Variants in GRIP2 observed in about 807,000 individuals in gnomAD.
GRIP2 encodes glutamate receptor interacting protein 2.
Under a neutral mutation model 108.3 loss-of-function variants are expected in GRIP2, and 58 were observed. That is an observed-to-expected ratio of 0.54 (90% confidence interval 0.43 to 0.67). The LOEUF (loss-of-function observed/expected upper bound fraction) is 0.67. Among genes scored for constraint, GRIP2 ranks in the 30% least tolerant of loss-of-function variants. The probability of loss-of-function intolerance (pLI) is 0.00; values close to 1 mark genes in which losing one functional copy is unlikely to be tolerated. For synonymous variants in GRIP2, 586 were observed against 598.2 expected (o/e 0.98, Z 0.30); for missense variants, 1,278 against 1,430.6 (o/e 0.89, Z 1.72).
rs1390847818 is a variant in GRIP2, at chr3:14,491,640, T to TA, written c.*2024dup. 2.6e-5 allele frequency: 4 copies of TA among 152,342 alleles called. No homozygotes were observed. The highest frequency in any genetic ancestry group is 9.7e-5 in the African/African-American group (4 of 41,430). 9.4% of individuals were successfully genotyped at this position (152,342 alleles called of 1,614,324 possible). A position where few individuals can be genotyped will look rare whatever the true frequency, so the allele number is the denominator to read the frequency against. On this transcript the variant is annotated 3_prime_UTR_variant, in exon 24 of 24. Transcript: ENST00000621039. ...CCCGAGGAGGGAGGGGGGTATTAGT[T>TA]AGAGTCGGGTGCATCTTCCCTCGCC... is the stretch of plus-strand genomic sequence containing the variant.
chr3:14,549,177 T>C (rs922811069), intron 1 of GRIP2, among the ~76,000 whole-genome samples: 4 of 152,246 alleles, frequency 2.6e-5, no homozygotes, highest in Non-Finnish European at 5.9e-5. Flanking sequence ...TGAATGTACA[T>C]AATCTCTGAA....
At chr3:14,586,588 A>T in the GRIP2 span, among the ~76,000 whole-genome samples, 1 of 152,312 alleles carries the variant, frequency 6.6e-6, no homozygotes, top group Non-Finnish European at 1.5e-5. Flanking sequence ...GCCTCATGGA[A>T]TGTAGAGAGG....
chr3:14,520,247 A>G lies in GRIP2; in HGVS notation c.893T>C (p.Leu298Pro). 1 of 1,613,920 alleles carries G rather than the reference A, an allele frequency of 6.2e-7. No individual in the cohort carries two copies. The highest frequency in any genetic ancestry group is 1.1e-5 in the South Asian group (1 of 91,042). Residue 298 changes from leucine to proline, a missense_variant, in exon 9 of 24, where the codon CTG becomes CCG. Coordinates refer to ENST00000621039, the MANE Select transcript of GRIP2 (RefSeq NM_001080423.4). ...SGALHPGDHI[L>P]SIDGTSMEHC... Reference sequence around the variant, plus strand: ...TTCCATGCTGGTGCCATCGATGGACAGGATGTGGTCTCCAGGGTGCAGGGC... The same window carrying G: ...TTCCATGCTGGTGCCATCGATGGACGGGATGTGGTCTCCAGGGTGCAGGGC...
chr3:14,505,528 C>A lies in GRIP2; in HGVS notation c.2573+87G>T. 1 of 1,429,378 alleles carries A rather than the reference C, an allele frequency of 7.0e-7. No homozygotes were observed. The highest frequency in any genetic ancestry group is 1.3e-5 in the South Asian group (1 of 76,090). The allele number at this position is 1,429,378 out of a possible 1,614,324, so 88.5% of individuals were successfully genotyped here. A position where few individuals can be genotyped will look rare whatever the true frequency, so the allele number is the denominator to read the frequency against. On this transcript the variant is annotated intron_variant, in intron 20 of 23. Transcript: ENST00000621039. The surrounding 1 kb of genome is among the most constrained non-coding windows in gnomAD (Gnocchi z 4.2). ...CAGGAGCCCGCCAAGACTCTCCATT[C>A]CCCCACCACTTTGGCACAGGCACCC...
At chr3:14,596,770 A>G in the GRIP2 span, among the ~76,000 whole-genome samples, 2 of 147,228 alleles carry the variant, frequency 1.4e-5, no homozygotes, top group African/African-American at 2.5e-5. Context: ...AGTTGTATAG[A>G]TTTTTTTTTT....
rs766276726 is a variant in GRIP2 at position 14,506,808 on chromosome 3, C to T, written c.2391G>A (p.Gly797=). ...WDSSATEGGF[G]GPGSYTPQAA... ...AGGGCCCCAAGGTATTACCTGGGCC[C>T]CCAAAGCCACCCTCGGTGGCCGAGC... The change falls in exon 19 of 24, where the codon GGG becomes GGA. Residue 797 remains glycine (G), a synonymous_variant. Coordinates refer to ENST00000621039, the MANE Select transcript of GRIP2 (RefSeq NM_001080423.4). The T allele has an allele frequency of 1.3e-5, 20 of 1,596,328 alleles. No individual in the cohort carries two copies. The highest frequency in any genetic ancestry group is 1.6e-5 in the Non-Finnish European group (19 of 1,171,598).
chr3:14,517,135 C>T lies in GRIP2; in HGVS notation c.1235G>A (p.Gly412Glu), dbSNP rs1204993452. 1 of 1,610,456 alleles carries T rather than the reference C, an allele frequency of 6.2e-7. No homozygotes were observed. Among genetic ancestry groups the T allele is most frequent in the Admixed American group, 1.7e-5 (1 of 59,312 alleles). Residue 412 changes from glycine to glutamate, a missense_variant, in exon 11 of 24, where the codon GGA becomes GAA. Coordinates refer to ENST00000621039, the MANE Select transcript of GRIP2 (RefSeq NM_001080423.4). ...AGTTCGAGGACTCATGGGCTGGGAT[C>T]CACGGGGAAGGGTGCTGGGGTTGTT... Reference protein sequence around the residue: ...SCNNPSTLPRGSQPMSPRTTM... With the variant: ...SCNNPSTLPRESQPMSPRTTM...
In GRIP2 at chr3:14,506,807, C is replaced by A. The variant is rs79144673; in HGVS notation, c.2392G>T (p.Gly798Cys). 5.6e-4 allele frequency: 896 copies of A among 1,596,058 alleles called. 7 individuals carry two copies. The African/African-American group carries it at 0.011, about 19-fold the overall frequency. ...DSSATEGGFGGPGSYTPQAAA... is the reference protein window; with the variant it reads ...DSSATEGGFGCPGSYTPQAAA... ...AAGGGCCCCAAGGTATTACCTGGGC[C>A]CCCAAAGCCACCCTCGGTGGCCGAG... The change falls in exon 19 of 24, where the codon GGC (glycine) becomes TGC (cysteine). Residue 798 changes from glycine (G) to cysteine (C), a missense_variant. By Grantham distance (159) the Gly-to-Cys change is radical. Coordinates refer to ENST00000621039, the MANE Select transcript of GRIP2 (RefSeq NM_001080423.4).
At chr3:14,583,109 G>A in the GRIP2 span, among the ~76,000 whole-genome samples, 1 of 152,214 alleles carries the variant, frequency 6.6e-6, no homozygotes, top group African/African-American at 2.4e-5. Flanking sequence ...GGTTGTCATT[G>A]CTCCCCTACC....
In GRIP2 at chr3:14,509,946, C is replaced by G; in HGVS notation, c.1952G>C (p.Gly651Ala). ...EDNSDELETT[G>A]AVSYTVELKR... ...CAGCTCCACTGTGTAACTGACGGCA[C>G]CTGTGGTCTCCAGCTCATCTGCAAG... The change falls in exon 17 of 24, where the codon GGT becomes GCT. Residue 651 changes from glycine (G) to alanine (A), a missense_variant. By Grantham distance (60) the Gly-to-Ala change is moderately conservative. Transcript: ENST00000621039. The G allele has an allele frequency of 6.6e-7, 1 of 1,524,568 alleles. No homozygotes were observed. The highest frequency in any genetic ancestry group is 2.5e-5 in the East Asian group (1 of 40,132). The allele number at this position is 1,524,568 out of a possible 1,614,324, so 94.4% of individuals were successfully genotyped here. A position where few individuals can be genotyped will look rare whatever the true frequency, so the allele number is the denominator to read the frequency against.
rs201965589 is a variant in GRIP2, at chr3:14,495,000, A to G, written c.2824-11T>C. Reference sequence around the variant, plus strand: ...CTTGTGCAGGGTCACCTGGAAGCAGAAGGAGGAGGAGGTTCCTGGAACTCT... The same window carrying G: ...CTTGTGCAGGGTCACCTGGAAGCAGGAGGAGGAGGAGGTTCCTGGAACTCT... On this transcript the variant is annotated splice_polypyrimidine_tract_variant and intron_variant, in intron 22 of 23. Transcript: ENST00000621039. 3.2e-6 allele frequency: 5 copies of G among 1,550,442 alleles called. No homozygotes were observed. The highest frequency in any genetic ancestry group is 1.3e-5 in the African/African-American group (1 of 74,440).
intron 1 of GRIP2, among the ~76,000 whole-genome samples, chr3:14,555,572 G>A (rs1695224898): frequency 6.6e-6 from 1 of 151,876 alleles, no homozygotes. Context: ...CAGACACAGA[G>A]AGACCCAGAG....
Position 14,493,769 on chromosome 3 carries a change from C to T in GRIP2, c.3028G>A (p.Glu1010Lys), listed in dbSNP as rs375473627. 136 of 1,612,868 alleles carry T rather than the reference C, an allele frequency of 8.4e-5. 1 individual carries two copies. Among genetic ancestry groups the T allele is most frequent in the Non-Finnish European group, 1.1e-4 (124 of 1,179,584 alleles). The part of the protein sequence containing the change: ...DCCLAVPLLA[E>K]AGDVLELIIS... ...ATCAGCTCCAAGACATCACCCGCCT[C>T]GGCCAGGAGTGGCACCGCCAGGCAG... The change falls in exon 24 of 24, where the codon GAG becomes AAG. Residue 1010 changes from glutamate to lysine, a missense_variant. Glu to Lys is a moderately conservative substitution (Grantham distance 56). Coordinates refer to ENST00000621039, the MANE Select transcript of GRIP2 (RefSeq NM_001080423.4).
the GRIP2 span, among the ~76,000 whole-genome samples, chr3:14,583,742 G>A: frequency 6.6e-6 from 1 of 152,326 alleles, no homozygotes; most frequent in Middle Eastern, 3.4e-3. Flanking sequence ...GGATCCGGGT[G>A]GAGTGGTACA....
At chr3:14,573,472 C>T in the GRIP2 span, 3 of 1,541,630 alleles carry the variant, frequency 1.9e-6, no homozygotes, top group South Asian at 1.1e-5. Context: ...TGGTCAGGCA[C>T]CTCAGGGTTG....
chr3:14,540,312 C>T lies in GRIP2; in HGVS notation c.-4G>A, dbSNP rs373332967. Reference sequence around the variant, plus strand: ...CCCGGCTGAGCCCACACAGCATGTTCGCTATTGTCTCCCCTGCTGCCCACC... The same window carrying T: ...CCCGGCTGAGCCCACACAGCATGTTTGCTATTGTCTCCCCTGCTGCCCACC... On this transcript the variant is annotated 5_prime_UTR_variant, in exon 1 of 24. Coordinates refer to ENST00000621039, the MANE Select transcript of GRIP2 (RefSeq NM_001080423.4). This position sits in a 1 kb window ranked among gnomAD's most constrained non-coding sequence, Gnocchi z 4.1. 12 of 1,613,714 alleles carry T rather than the reference C, an allele frequency of 7.4e-6. No homozygotes were observed. The highest frequency in any genetic ancestry group is 4.5e-5 in the East Asian group (2 of 44,856).
At chr3:14,527,988 T>C (rs1418368711) in intron 1 of GRIP2, among the ~76,000 whole-genome samples, 2 of 152,238 alleles carry the variant, frequency 1.3e-5, no homozygotes, top group Non-Finnish European at 2.9e-5. Context: ...AAATGTCTCC[T>C]GACCACCACC....
At chr3:14,500,498 A>G (rs1376818943) in intron 21 of GRIP2, among the ~76,000 whole-genome samples, 1 of 152,244 alleles carries the variant, frequency 6.6e-6, no homozygotes, top group African/African-American at 2.4e-5. Context: ...GAAAGAAAAG[A>G]CACAGGACTT....
upstream of GRIP2, among the ~76,000 whole-genome samples, chr3:14,545,282 A>G (rs879726098): frequency 2.2e-4 from 33 of 152,354 alleles, no homozygotes; most frequent in African/African-American, 7.9e-4. Flanking sequence ...GGGCCCAGAA[A>G]GGTAAAGCCA....
Sources: allele counts gnomAD v4.1 joint callset (sites outside exome capture counted in the v4.1 genomes callset), GRCh38; gene constraint gnomAD v4.1.1; non-coding constraint Gnocchi (gnomAD v3.1); transcripts MANE v1.5; gene names NCBI Gene and HGNC (gene_info 2026-07-23, HGNC 2026-07-21).